The following CAMK4 variants were observed in gnomAD, a reference collection of about 807,000 sequenced individuals.
CAMK4 encodes calcium/calmodulin-dependent protein kinase type IV.
In CAMK4, 22 loss-of-function variants were observed where a neutral mutation model predicts 44.9. The observed-to-expected ratio is 0.49, with a 90% CI of 0.35 to 0.70. The LOEUF (loss-of-function observed/expected upper bound fraction) is 0.70. Among genes scored for constraint, CAMK4 ranks in the 30% least tolerant of loss-of-function variants. CAMK4 has a pLI of 0.01. For missense variants in CAMK4, 498 were observed against 586.8 expected (o/e 0.85, Z 1.56); for synonymous variants, 218 against 215.4 (o/e 1.01, Z -0.11).
intron 4 of CAMK4, among the ~76,000 whole-genome samples, chr5:111,387,719 T>C (rs961990249): frequency 2.0e-5 from 3 of 152,166 alleles, no homozygotes; most frequent in African/African-American, 4.8e-5. Context: ...ATTCCATAAA[T>C]ATTTACTTAC....
At chr5:111,257,780 A>T (rs1272675231) in intron 1 of CAMK4, among the ~76,000 whole-genome samples, 1 of 152,254 alleles carries the variant, frequency 6.6e-6, no homozygotes, top group Non-Finnish European at 1.5e-5. Flanking sequence ...GCTAAAGAAA[A>T]TGTGGTACAT....
At chr5:111,231,556 GAAC>G (rs1402518508) in intron 1 of CAMK4, among the ~76,000 whole-genome samples, 1 of 152,158 alleles carries the variant, frequency 6.6e-6, no homozygotes, top group South Asian at 2.1e-4. Flanking sequence ...TGTAGATAGT[GAAC>G]AACAACAAGG....
chr5:111,240,245 C>T (rs1026215743), intron 1 of CAMK4, among the ~76,000 whole-genome samples: 7 of 150,916 alleles, frequency 4.6e-5, no homozygotes, highest in Non-Finnish European at 7.4e-5. Context: ...ATAACCAAAC[C>T]CAGAATCACT....
chr5:111,239,768 A>C (rs997266621), intron 1 of CAMK4, among the ~76,000 whole-genome samples: 2 of 152,320 alleles, frequency 1.3e-5, no homozygotes, highest in African/African-American at 4.8e-5. Context: ...GCTGTCTGTA[A>C]AGGTGGAGGG....
chr5:111,394,612 A>G lies in CAMK4; in HGVS notation c.387-98A>G, dbSNP rs1017113926. 2.4e-5 allele frequency: 18 copies of G among 747,966 alleles called. No homozygotes were observed. The Admixed American group carries it at 2.9e-4, about 12-fold the overall frequency. The allele number at this position is 747,966 out of a possible 1,614,324, so 46.3% of individuals were successfully genotyped here. A position where few individuals can be genotyped will look rare whatever the true frequency, so the allele number is the denominator to read the frequency against. ...GTATGGTAGCTTGTTTCAATTGTTT[A>G]TGTGCACCATCTTTAACATTAATTT... On this transcript the variant is annotated intron_variant, in intron 4 of 10. Coordinates refer to ENST00000282356, the MANE Select transcript of CAMK4 (RefSeq NM_001744.6).
At chr5:111,483,464 T>G (rs748408892) in intron 10 of CAMK4, among the ~76,000 whole-genome samples, 7 of 152,178 alleles carry the variant, frequency 4.6e-5, no homozygotes, top group Non-Finnish European at 8.8e-5. Context: ...TGTTTAGGAC[T>G]AGCTATGTAA....
chr5:111,463,122 G>A (rs1028118238), intron 7 of CAMK4, among the ~76,000 whole-genome samples: 1 of 152,106 alleles, frequency 6.6e-6, no homozygotes, highest in Non-Finnish European at 1.5e-5. Flanking sequence ...TGTTTTATGA[G>A]CAATAACATG....
At chr5:111,267,447 T>C (rs371681611) in intron 1 of CAMK4, among the ~76,000 whole-genome samples, 83 of 152,256 alleles carry the variant, frequency 5.5e-4, no homozygotes, top group Middle Eastern at 6.8e-3. Flanking sequence ...CCGGGCGCGG[T>C]GGCTCACGCC....
At chr5:111,362,848 C>A (rs913131862) in intron 2 of CAMK4, among the ~76,000 whole-genome samples, 1 of 152,046 alleles carries the variant, frequency 6.6e-6, no homozygotes, top group African/African-American at 2.4e-5. Flanking sequence ...CCATAGAATT[C>A]TTTTCTGCTT....
chr5:111,298,969 C>T (rs1390306577), intron 1 of CAMK4, among the ~76,000 whole-genome samples: 2 of 152,234 alleles, frequency 1.3e-5, no homozygotes, highest in Non-Finnish European at 2.9e-5. Flanking sequence ...CATCTCTAGG[C>T]TCTGGCCTAT....
At chr5:111,440,694 A>G (rs1019343412) in intron 5 of CAMK4, among the ~76,000 whole-genome samples, 17 of 147,364 alleles carry the variant, frequency 1.2e-4, no homozygotes, top group African/African-American at 4.1e-4. Flanking sequence ...AGAGGTAAAC[A>G]TATCCAAACT....
intron 5 of CAMK4, among the ~76,000 whole-genome samples, chr5:111,435,078 C>A (rs1279169590): frequency 2.0e-5 from 3 of 152,124 alleles, no homozygotes; most frequent in African/African-American, 7.2e-5. Flanking sequence ...TGTCTAGACA[C>A]CCCCTGAATT....
intron 1 of CAMK4, among the ~76,000 whole-genome samples, chr5:111,284,036 T>C (rs1341417859): frequency 6.6e-6 from 1 of 152,228 alleles, no homozygotes. Context: ...ATGGTGAAAC[T>C]TTATTACGTA....
chr5:111,404,931 A>G (rs1752361413), intron 5 of CAMK4, among the ~76,000 whole-genome samples: 2 of 67,158 alleles, frequency 3.0e-5, no homozygotes, highest in South Asian at 8.6e-4. Context: ...AAGATCAACA[A>G]TTCAATTCAA....
intron 7 of CAMK4, among the ~76,000 whole-genome samples, chr5:111,458,394 C>T (rs1754495473): frequency 2.0e-5 from 3 of 152,276 alleles, no homozygotes; most frequent in South Asian, 4.1e-4. Flanking sequence ...ATATTGGTTT[C>T]GTACTGCCCT....
chr5:111,452,861 A>C (rs1754283948), intron 7 of CAMK4, among the ~76,000 whole-genome samples: 1 of 152,226 alleles, frequency 6.6e-6, no homozygotes, highest in South Asian at 2.1e-4. Flanking sequence ...CCATATTATA[A>C]GAAAAGGAAG....
chr5:111,264,184 C>A (rs1750125521), intron 1 of CAMK4, among the ~76,000 whole-genome samples: 2 of 152,026 alleles, frequency 1.3e-5, no homozygotes, highest in Admixed American at 1.3e-4. Flanking sequence ...TGTCTGTGGT[C>A]CTGCTGCAAG....
chr5:111,443,279 T>TATATATATAC (rs1401315422), intron 5 of CAMK4, among the ~76,000 whole-genome samples: 12 of 37,476 alleles, frequency 3.2e-4, no homozygotes, highest in Non-Finnish European at 4.9e-4. Context: ...TATATATATA[T>TATATATATAC]ACACACACAC....
chr5:111,312,331 CTT>C (rs1242182474), intron 1 of CAMK4, among the ~76,000 whole-genome samples: 1 of 152,158 alleles, frequency 6.6e-6, no homozygotes, highest in African/African-American at 2.4e-5. Context: ...AAATTTACCT[CTT>C]ATTAATTGTA....
Sources: allele counts gnomAD v4.1 joint callset (sites outside exome capture counted in the v4.1 genomes callset), GRCh38; gene constraint gnomAD v4.1.1; transcripts MANE v1.5; gene names NCBI Gene and HGNC (gene_info 2026-07-23, HGNC 2026-07-21).